Variants in LYPLA1 observed in about 807,000 individuals in gnomAD.
LYPLA1 encodes the protein acyl-protein thioesterase 1.
A neutral mutation model predicts 34.0 loss-of-function variants in LYPLA1; 17 were observed. That is an observed-to-expected ratio of 0.50 (90% CI 0.34 to 0.75). The LOEUF is 0.75. Ranked by LOEUF, LYPLA1 falls within the 30% of genes least tolerant of loss-of-function variation. The pLI is 0.01. For synonymous variants in LYPLA1, 98 were observed against 100.8 expected, an observed-to-expected ratio of 0.97 and a Z score of 0.17; for missense variants, 203 against 288.8, an observed-to-expected ratio of 0.70 and a Z score of 2.15.
At position 54,055,087 on chromosome 8, in the gene LYPLA1, G is replaced by A. The variant is rs1309533253; in HGVS notation, c.333C>T (p.Asn111=). ...GAGAAAACCCTCCCAAAATAATTCT[G>A]TTAGAAGGAATGCCATTCTTCACTT... ...DQEVKNGIPS[N]RIILGGFSQG... The change falls in exon 6 of 9, where the codon AAC becomes AAT. Residue 111 remains asparagine (N), a synonymous_variant. Coordinates refer to ENST00000316963, the MANE Select transcript of LYPLA1 (RefSeq NM_006330.4). The A allele has an allele frequency of 6.2e-7, 1 of 1,609,310 alleles. No homozygotes were observed. The highest frequency in any genetic ancestry group is 8.5e-7 in the Non-Finnish European group (1 of 1,176,386).
chr8:54,052,772 G>A lies in LYPLA1; in HGVS notation c.361-16C>T. On this transcript the variant is annotated splice_polypyrimidine_tract_variant and intron_variant, in intron 6 of 8. Coordinates refer to ENST00000316963, the MANE Select transcript of LYPLA1 (RefSeq NM_006330.4). ...AAGCTCCTCCCTGAAAAGACAAGCA[G>A]GGAAAGTCAATGGAACACACATGCT... The A allele has an allele frequency of 6.5e-7, 1 of 1,538,308 alleles. No homozygotes were observed. The highest frequency in any genetic ancestry group is 9.0e-7 in the Non-Finnish European group (1 of 1,112,176).
At position 54,046,854 on chromosome 8, in the gene LYPLA1, T is replaced by C. The variant is rs1805515445; in HGVS notation, c.*1211A>G. 6.6e-6 allele frequency: 1 copy of C among 152,190 alleles called. No homozygotes were observed. The highest frequency in any genetic ancestry group is 2.4e-5 in the African/African-American group (1 of 41,470). 9.4% of individuals were successfully genotyped at this position (152,190 alleles called of 1,614,324 possible). On this transcript the variant is annotated 3_prime_UTR_variant, in exon 9 of 9. Transcript: ENST00000316963. ...ATTTTTACCAGTAATCTGGAAATTT[T>C]GACAATTTAAAATGATTGCTATTTT...
At chr8:54,065,680 G>T in intron 3 of LYPLA1, 68 bp downstream of exon 3, 1 of 1,161,146 alleles carries the variant, frequency 8.6e-7, no homozygotes. Flanking sequence ...TTTTCTGGAA[G>T]GGTAAAGCAA....
chr8:54,080,725 CT>C (rs1808252186), intron 2 of LYPLA1, among the ~76,000 whole-genome samples: 1 of 152,056 alleles, frequency 6.6e-6, no homozygotes, highest in Non-Finnish European at 1.5e-5. Context: ...GTAGCTGGGA[CT>C]ACAGGCCTGT....
chr8:54,072,872 C>G (rs1373905204), intron 2 of LYPLA1, among the ~76,000 whole-genome samples: 5 of 146,022 alleles, frequency 3.4e-5, no homozygotes, highest in African/African-American at 1.3e-4. Context: ...CCCAGCTACT[C>G]AGGAGGCTGA....
chr8:54,090,846 T>A (rs143478568), intron 2 of LYPLA1, among the ~76,000 whole-genome samples: 1 of 152,230 alleles, frequency 6.6e-6, no homozygotes. Context: ...GCTGTTCTTA[T>A]GACAGTGAGT....
chr8:54,085,163 T>G (rs900389167), intron 2 of LYPLA1, among the ~76,000 whole-genome samples: 4 of 152,224 alleles, frequency 2.6e-5, no homozygotes, highest in Non-Finnish European at 5.9e-5. Context: ...GTTTTTGTAT[T>G]TTTTGGTTGA....
At chr8:54,083,817 T>C (rs1047688016) in intron 2 of LYPLA1, among the ~76,000 whole-genome samples, 4 of 152,172 alleles carry the variant, frequency 2.6e-5, no homozygotes, top group African/African-American at 7.2e-5. Flanking sequence ...AATGGAAATG[T>C]ATAGCTGTAG....
intron 2 of LYPLA1, among the ~76,000 whole-genome samples, chr8:54,084,283 C>T (rs1191724379): frequency 6.7e-6 from 1 of 148,484 alleles, no homozygotes; most frequent in Non-Finnish European, 1.5e-5. Flanking sequence ...GAAATAAATG[C>T]AACAGAGGCC....
intron 6 of LYPLA1, chr8:54,053,532 A>G (rs1398325612): frequency 2.2e-6 from 1 of 448,014 alleles, no homozygotes; most frequent in Non-Finnish European, 4.5e-6. Flanking sequence ...CAGAAGCCCC[A>G]TCACTCTGAC....
intron 7 of LYPLA1, 120 bp downstream of exon 7, chr8:54,052,535 A>T (rs1458575899): frequency 1.5e-6 from 1 of 661,590 alleles, no homozygotes; most frequent in Non-Finnish European, 2.6e-6. Flanking sequence ...CTGTGAATTT[A>T]GAACTTCTCC....
At chr8:54,086,210 A>C (rs2129357022) in intron 2 of LYPLA1, among the ~76,000 whole-genome samples, 1 of 151,904 alleles carries the variant, frequency 6.6e-6, no homozygotes, top group South Asian at 2.1e-4. Context: ...TGCTTTGTTA[A>C]ACAGATGCTT....
At chr8:54,056,045 T>C (rs1296037265) in intron 5 of LYPLA1, among the ~76,000 whole-genome samples, 1 of 152,100 alleles carries the variant, frequency 6.6e-6, no homozygotes, top group Non-Finnish European at 1.5e-5. Flanking sequence ...CAAATTATAC[T>C]ACAGAGCTAT....
chr8:54,063,452 A>G (rs1806809753), intron 3 of LYPLA1, 77 bp from the exon 4 acceptor site: 2 of 901,168 alleles, frequency 2.2e-6, no homozygotes, highest in South Asian at 3.3e-5. Flanking sequence ...TCAAAAACAG[A>G]TAATTGCTTG....
intron 2 of LYPLA1, chr8:54,073,336 T>C (rs1807640822): frequency 1.2e-6 from 1 of 851,910 alleles, no homozygotes; most frequent in Non-Finnish European, 2.1e-6. Flanking sequence ...GCATGATGTG[T>C]GCAAAGAGAA....
chr8:54,084,624 TC>T (rs1241988612), intron 2 of LYPLA1, among the ~76,000 whole-genome samples: 2 of 151,196 alleles, frequency 1.3e-5, no homozygotes, highest in African/African-American at 4.9e-5. Context: ...TTTGAAAAGA[TC>T]AACAAAAATG....
At chr8:54,101,619 T>G in intron 1 of LYPLA1, 136 bp downstream of exon 1, 1 of 1,138,490 alleles carries the variant, frequency 8.8e-7, no homozygotes, top group Non-Finnish European at 1.1e-6. Flanking sequence ...GCGCGGACCA[T>G]TCGCACCCCA....
At chr8:54,074,396 CCA>C (rs944751747) in intron 2 of LYPLA1, among the ~76,000 whole-genome samples, 185 of 152,358 alleles carry the variant, frequency 1.2e-3, no homozygotes, top group African/African-American at 4.2e-3. Context: ...GTGGTTCATT[CCA>C]CACAGTTAAT....
intron 5 of LYPLA1, among the ~76,000 whole-genome samples, chr8:54,055,891 T>A (rs1165129162): frequency 6.6e-6 from 1 of 152,102 alleles, no homozygotes; most frequent in South Asian, 2.1e-4. Context: ...TCCGCCCGCC[T>A]CGGCCTCCCA....
Sources: gnomAD v4.1 joint callset for allele counts (sites outside exome capture counted in the v4.1 genomes callset) on GRCh38, gnomAD v4.1.1 for gene constraint, MANE v1.5 for transcripts, NCBI Gene and HGNC (gene_info 2026-07-23, HGNC 2026-07-21) for gene names.